Variants in NMU observed in about 807,000 individuals in gnomAD.
The protein encoded by NMU is neuromedin-U.
A neutral mutation model predicts 35.4 loss-of-function variants in NMU; 29 were observed. The observed-to-expected ratio is 0.82, with a 90% CI of 0.61 to 1.12. NMU has a LOEUF of 1.12. Ranked by LOEUF, NMU falls within the 50% of genes most tolerant of loss-of-function variation. The pLI is 0.00. For missense variants in NMU, 199 were observed against 206.2 expected, an observed-to-expected ratio of 0.97 and a Z score of 0.21; for synonymous variants, 78 against 81.3, an observed-to-expected ratio of 0.96 and a Z score of 0.22.
At chr4:55,595,563 T>TAC (rs1553908987) in intron 9 of NMU, among the ~76,000 whole-genome samples, 152 bp from the exon 10 acceptor site, 12,239 of 119,796 alleles carry the variant, frequency 0.1, 930 homozygotes, top group African/African-American at 0.2. Flanking sequence ...TATATATATA[T>TAC]ACACACACAC....
chr4:55,619,295 C>T (rs1157165661), intron 2 of NMU, among the ~76,000 whole-genome samples: 12 of 145,502 alleles, frequency 8.2e-5, no homozygotes, highest in Admixed American at 6.9e-4. Flanking sequence ...TGGGCGCAGG[C>T]CAGTGGGTGC....
At chr4:55,604,027 A>ATATATACATGTGTATAT (rs1733567304) in intron 7 of NMU, among the ~76,000 whole-genome samples, 3 of 28,992 alleles carry the variant, frequency 1.0e-4, no homozygotes, top group Admixed American at 4.4e-4. Context: ...GTATATATAT[A>ATATATACATGTGTATAT]ATCCTAGAAA....
rs945441949 is a variant in NMU at position 55,607,538 on chromosome 4, T to C, written c.280-72A>G. 65 of 561,718 alleles carry C rather than the reference T, an allele frequency of 1.2e-4. 1 individual carries two copies. Among genetic ancestry groups the C allele is most frequent in the Non-Finnish European group, 1.9e-4 (60 of 322,568 alleles). 34.8% of individuals were successfully genotyped at this position (561,718 alleles called of 1,614,324 possible). A position where few individuals can be genotyped will look rare whatever the true frequency, so the allele number is the denominator to read the frequency against. ...TACTATCTTATATACAGTAATTTTA[T>C]AATGTTATAACACATAATTATTTAA... is the stretch of plus-strand genomic sequence containing the variant. On this transcript the variant is annotated intron_variant, in intron 4 of 9. Transcript: ENST00000264218.
At position 55,631,245 on chromosome 4, in the gene NMU, CT is replaced by C. The variant is rs367589356; in HGVS notation, c.113-786del. Among the ~76,000 whole-genome samples, 174 of 152,182 alleles carry C rather than the reference CT, an allele frequency of 1.1e-3. 1 individual carries two copies. The highest frequency in any genetic ancestry group is 3.9e-3 in the African/African-American group (160 of 41,548). ...TTCTAGAAGGTCCATTGGAAAAACTCTTTTGGACATTGGATTAGGCAAAGAA... is the reference window on the plus strand; with the variant it reads ...TTCTAGAAGGTCCATTGGAAAAACTCTTTGGACATTGGATTAGGCAAAGAA... On this transcript the variant is annotated intron_variant, in intron 1 of 9. Transcript: ENST00000264218.
intron 6 of NMU, among the ~76,000 whole-genome samples, 160 bp downstream of exon 6, chr4:55,607,138 A>T (rs1733713376): frequency 6.6e-6 from 1 of 152,220 alleles, no homozygotes; most frequent in African/African-American, 2.4e-5. Flanking sequence ...ATATAAAATA[A>T]ATCAAATGTA....
intron 4 of NMU, among the ~76,000 whole-genome samples, chr4:55,608,078 G>A (rs1733770913): frequency 6.6e-6 from 1 of 150,436 alleles, no homozygotes; most frequent in Non-Finnish European, 1.5e-5. Context: ...AGGAGGCTGA[G>A]GCAGAAGAAT....
chr4:55,611,883 G>A (rs1006534093), intron 3 of NMU, among the ~76,000 whole-genome samples: 1 of 152,164 alleles, frequency 6.6e-6, no homozygotes, highest in Non-Finnish European at 1.5e-5. Flanking sequence ...TACGTAATTT[G>A]TATTCTGTCC....
chr4:55,624,108 G>A (rs1734422387), intron 2 of NMU, among the ~76,000 whole-genome samples: 6 of 149,860 alleles, frequency 4.0e-5, no homozygotes, highest in Admixed American at 3.4e-4. Context: ...CATAGGCATG[G>A]GCAAGAACTT....
rs759226013 is a variant in NMU, at chr4:55,609,180, C to T, written c.220-1G>A. On this transcript the variant is annotated splice_acceptor_variant, in intron 3 of 9. Coordinates refer to ENST00000264218, the MANE Select transcript of NMU (RefSeq NM_006681.4). LOFTEE classifies it high-confidence loss of function. ...AAAGCTCCTCCAGTGCGTTGGATGC[C>T]TAACAGAAATGAGAAGATATGTAAG... is the stretch of plus-strand genomic sequence containing the variant. The T allele has an allele frequency of 6.2e-7, 1 of 1,608,522 alleles. No homozygotes were observed. The highest frequency in any genetic ancestry group is 8.5e-7 in the Non-Finnish European group (1 of 1,175,012).
At chr4:55,613,821 A>G (rs3805385) in intron 3 of NMU, among the ~76,000 whole-genome samples, 26,747 of 152,102 alleles carry the variant, frequency 0.18, 2,481 homozygotes, top group South Asian at 0.23. Flanking sequence ...ACCCTGCTGG[A>G]CTGTAAGTAA....
At chr4:55,628,606 C>G (rs1321951784) in intron 2 of NMU, among the ~76,000 whole-genome samples, 5 of 152,088 alleles carry the variant, frequency 3.3e-5, no homozygotes, top group Admixed American at 3.3e-4. Context: ...TCAAGTGATT[C>G]TCTTGCCTCA....
intron 3 of NMU, 40 bp from the exon 4 acceptor site, chr4:55,609,219 T>G (rs1294915808): frequency 1.3e-6 from 2 of 1,482,956 alleles, no homozygotes; most frequent in African/African-American, 1.4e-5. Flanking sequence ...TGCTTCTGCT[T>G]TAACGACATT....
chr4:55,599,089 T>C, intron 9 of NMU, 53 bp downstream of exon 9: 1 of 1,184,408 alleles, frequency 8.4e-7, no homozygotes, highest in Non-Finnish European at 1.2e-6. Context: ...TGTGTTGAAC[T>C]GTGAAATGCA....
At chr4:55,603,692 C>A (rs1733519000) in intron 7 of NMU, among the ~76,000 whole-genome samples, 1 of 151,450 alleles carries the variant, frequency 6.6e-6, no homozygotes, top group Non-Finnish European at 1.5e-5. Context: ...GCAGGCGGAT[C>A]ACGAGGTCAG....
At chr4:55,633,107 C>G (rs56189453) in intron 1 of NMU, among the ~76,000 whole-genome samples, 2 of 151,690 alleles carry the variant, frequency 1.3e-5, no homozygotes, top group East Asian at 1.9e-4. Context: ...GGCATATCAC[C>G]AGGTCAGGAG....
intron 3 of NMU, among the ~76,000 whole-genome samples, chr4:55,611,805 C>A (rs1733943159): frequency 1.3e-5 from 2 of 152,152 alleles, no homozygotes; most frequent in South Asian, 4.2e-4. Flanking sequence ...GATGTTTATA[C>A]AATGACAAAT....
At chr4:55,625,032 G>T (rs1734462270) in intron 2 of NMU, among the ~76,000 whole-genome samples, 1 of 84,478 alleles carries the variant, frequency 1.2e-5, no homozygotes. Flanking sequence ...GTGGGGGGAG[G>T]GGGGAGGGAT....
At chr4:55,599,431 G>C (rs1446987920) in intron 8 of NMU, among the ~76,000 whole-genome samples, 1 of 152,112 alleles carries the variant, frequency 6.6e-6, no homozygotes, top group East Asian at 1.9e-4. Flanking sequence ...TGAACTAGAT[G>C]CTATTTGACT....
intron 2 of NMU, among the ~76,000 whole-genome samples, chr4:55,617,944 T>C (rs1014040675): frequency 2.6e-5 from 4 of 152,168 alleles, no homozygotes; most frequent in African/African-American, 9.7e-5. Context: ...TTAGTCAAAT[T>C]AGGAGATAAC....
Sources: allele counts gnomAD v4.1 joint callset (sites outside exome capture counted in the v4.1 genomes callset), GRCh38; gene constraint gnomAD v4.1.1; transcripts MANE v1.5; gene names NCBI Gene and HGNC (gene_info 2026-07-23, HGNC 2026-07-21).